ADAMTSL1: variants seen among roughly 807,000 people sequenced by gnomAD.
The protein encoded by ADAMTSL1 is ADAMTS-like protein 1.
In ADAMTSL1, 126 loss-of-function variants were observed where a neutral mutation model predicts 201.8. The observed-to-expected ratio is 0.62, with a 90% CI of 0.54 to 0.72. ADAMTSL1 has a LOEUF of 0.72. Among genes scored for constraint, ADAMTSL1 ranks in the 30% least tolerant of loss-of-function variants. ADAMTSL1 has a pLI of 0.00. For missense variants in ADAMTSL1, 2,679 were observed against 2,277.8 expected, an observed-to-expected ratio of 1.18 and a Z score of -3.59; for synonymous variants, 1,121 against 903.4, an observed-to-expected ratio of 1.24 and a Z score of -4.32.
chr9:18,690,373 C>T (rs1831137803), intron 13 of ADAMTSL1, among the ~76,000 whole-genome samples: 1 of 152,024 alleles, frequency 6.6e-6, no homozygotes, highest in Non-Finnish European at 1.5e-5. Flanking sequence ...AATTGTGTGA[C>T]ATGTGTTTTT....
At chr9:18,130,870 C>T (rs888656599) in intron 1 of ADAMTSL1, among the ~76,000 whole-genome samples, 6 of 152,114 alleles carry the variant, frequency 3.9e-5, no homozygotes, top group African/African-American at 1.4e-4. Flanking sequence ...AGTGGTTTGG[C>T]AGCTTAAGTA....
intron 2 of ADAMTSL1, among the ~76,000 whole-genome samples, chr9:18,394,993 T>C (rs1475513994): frequency 6.6e-6 from 1 of 152,220 alleles, no homozygotes; most frequent in Non-Finnish European, 1.5e-5. Context: ...TCAAAGATTC[T>C]TGGAAACCTT....
chr9:18,763,036 C>T (rs2133675216), intron 16 of ADAMTSL1, among the ~76,000 whole-genome samples: 3 of 152,246 alleles, frequency 2.0e-5, no homozygotes, highest in East Asian at 3.9e-4. Context: ...AGTATGATTG[C>T]TAGATCATAC....
rs564084891 is a variant in ADAMTSL1, at chr9:18,152,038, G to A, written c.88-11824G>A. On this transcript the variant is annotated intron_variant, in intron 1 of 29. Transcript: ENST00000680146. ...ACCAAACTCTGTATAGCATTTTATAGTTTACAAATCACTTTTCATAATTAT... is the reference window on the plus strand; with the variant it reads ...ACCAAACTCTGTATAGCATTTTATAATTTACAAATCACTTTTCATAATTAT... Among the ~76,000 whole-genome samples, 5 of 152,148 alleles carry A rather than the reference G, an allele frequency of 3.3e-5. No homozygotes were observed. The South Asian group carries it at 1.0e-3, about 32-fold the overall frequency.
chr9:18,104,578 A>T (rs150883483), intron 1 of ADAMTSL1, among the ~76,000 whole-genome samples: 1 of 152,114 alleles, frequency 6.6e-6, no homozygotes, highest in East Asian at 1.9e-4. Flanking sequence ...TAGACACTGC[A>T]GACTCCAAAA....
chr9:18,131,237 C>G (rs1452232472), intron 1 of ADAMTSL1, among the ~76,000 whole-genome samples: 1 of 152,124 alleles, frequency 6.6e-6, no homozygotes, highest in African/African-American at 2.4e-5. Context: ...GTTATTTTAA[C>G]TTTTTGTGCC....
intron 2 of ADAMTSL1, among the ~76,000 whole-genome samples, chr9:18,514,634 T>G (rs1818257092): frequency 6.6e-6 from 1 of 152,146 alleles, no homozygotes; most frequent in Non-Finnish European, 1.5e-5. Context: ...CCAGCCTGAT[T>G]TTTCTATATT....
rs766041001 is a variant in ADAMTSL1, at chr9:18,057,392, A to T, written c.88-106470A>T. 5.3e-5 allele frequency among the ~76,000 whole-genome samples: 8 copies of T among 152,302 alleles called. No homozygotes were observed. In the Middle Eastern group the frequency reaches 0.014, roughly 259 times the overall value. ...TTATAAACATCATCAGAAATAAAAA[A>T]GTTTTTAATGTGAAAAATTAGTTCT... is the stretch of plus-strand genomic sequence containing the variant. On this transcript the variant is annotated intron_variant, in intron 1 of 29. Transcript: ENST00000680146.
At chr9:17,935,185 C>A (rs1172459180) in intron 1 of ADAMTSL1, among the ~76,000 whole-genome samples, 3 of 151,968 alleles carry the variant, frequency 2.0e-5, no homozygotes, top group Admixed American at 2.0e-4. Context: ...CTTGACTTAC[C>A]ACTTTAACAC....
chr9:18,558,460 G>T (rs981633619), intron 3 of ADAMTSL1, among the ~76,000 whole-genome samples: 11 of 152,004 alleles, frequency 7.2e-5, no homozygotes, highest in Non-Finnish European at 1.5e-4. Flanking sequence ...AACAGTGCTG[G>T]AATAAACATA....
At chr9:18,729,855 A>T (rs968696360) in intron 15 of ADAMTSL1, among the ~76,000 whole-genome samples, 6 of 152,166 alleles carry the variant, frequency 3.9e-5, no homozygotes, top group African/African-American at 1.4e-4. Flanking sequence ...CTAAGAGTTG[A>T]TGTATCTGTA....
At chr9:18,393,484 G>T (rs1000861097) in intron 2 of ADAMTSL1, among the ~76,000 whole-genome samples, 2 of 152,090 alleles carry the variant, frequency 1.3e-5, no homozygotes, top group Admixed American at 6.5e-5. Context: ...AGGATAATTG[G>T]CTCCCTTAGA....
chr9:18,589,776 C>T (rs1587654076), intron 4 of ADAMTSL1, among the ~76,000 whole-genome samples: 1 of 152,220 alleles, frequency 6.6e-6, no homozygotes, highest in East Asian at 1.9e-4. Context: ...TTTTTGTCAT[C>T]TACAGATGTT....
chr9:18,033,609 C>T (rs1185472293), intron 1 of ADAMTSL1, among the ~76,000 whole-genome samples: 1 of 152,140 alleles, frequency 6.6e-6, no homozygotes, highest in Non-Finnish European at 1.5e-5. Context: ...TGATGGTAAC[C>T]ATCCTTTGAT....
At chr9:18,813,005 G>A (rs549009630) in intron 20 of ADAMTSL1, among the ~76,000 whole-genome samples, 1 of 132,152 alleles carries the variant, frequency 7.6e-6, no homozygotes, top group Admixed American at 8.4e-5. Flanking sequence ...GTCTCACTCT[G>A]TCACCAGGCT....
chr9:18,069,687 G>A (rs970753173), intron 1 of ADAMTSL1, among the ~76,000 whole-genome samples: 2 of 152,088 alleles, frequency 1.3e-5, no homozygotes, highest in Non-Finnish European at 2.9e-5. Context: ...TGATCTGATT[G>A]GATTTATCTT....
chr9:18,891,963 C>T (rs897878176), intron 25 of ADAMTSL1, among the ~76,000 whole-genome samples: 1 of 150,040 alleles, frequency 6.7e-6, no homozygotes, highest in African/African-American at 2.5e-5. Context: ...ATCACATCAC[C>T]TCCAAATCAC....
chr9:18,366,776 C>A (rs962907869), intron 2 of ADAMTSL1, among the ~76,000 whole-genome samples: 4 of 151,334 alleles, frequency 2.6e-5, no homozygotes, highest in Non-Finnish European at 5.9e-5. Flanking sequence ...TGCCACCATT[C>A]CCGGCTAATT....
chr9:18,685,308 T>C (rs1830761906), intron 13 of ADAMTSL1, among the ~76,000 whole-genome samples: 1 of 152,230 alleles, frequency 6.6e-6, no homozygotes, highest in African/African-American at 2.4e-5. Context: ...TTATGTCCCA[T>C]GTCTACTCAA....
Sources: gnomAD v4.1 joint callset for allele counts (sites outside exome capture counted in the v4.1 genomes callset) on GRCh38, gnomAD v4.1.1 for gene constraint, MANE v1.5 for transcripts, NCBI Gene and HGNC (gene_info 2026-07-23, HGNC 2026-07-21) for gene names.